The following PCDHGB1 variants were observed in gnomAD, a reference collection of about 807,000 sequenced individuals.
The protein encoded by PCDHGB1 is protocadherin gamma subfamily B, 1.
In PCDHGB1, 34 loss-of-function variants were observed where a neutral mutation model predicts 56.6. That is an observed-to-expected ratio of 0.60 (90% confidence interval 0.46 to 0.80). The LOEUF (loss-of-function observed/expected upper bound fraction) is 0.80, where lower values mean the gene tolerates loss of function less well. Ranked by LOEUF, PCDHGB1 falls within the 30% of genes least tolerant of loss-of-function variation. PCDHGB1 has a pLI of 0.00. For missense variants in PCDHGB1, 1,278 were observed against 1,204.6 expected (o/e 1.06, Z -0.90); for synonymous variants, 561 against 505.9 (o/e 1.11, Z -1.46).
At chr5:141,374,020 G>T in intron 1 of PCDHGB1, 1 of 1,408,826 alleles carries the variant, frequency 7.1e-7, no homozygotes, top group Non-Finnish European at 9.3e-7. Context: ...TCTGAGAAGA[G>T]CAAAAGTGAT....
At chr5:141,434,338 G>A (rs1037038534) in intron 1 of PCDHGB1, among the ~76,000 whole-genome samples, 5 of 152,086 alleles carry the variant, frequency 3.3e-5, no homozygotes, top group East Asian at 1.9e-4. Context: ...TCTTTGTGTC[G>A]GGAACAGGCC....
rs1006751011 is a variant in PCDHGB1, at chr5:141,431,033, C to T, written c.2410-63774C>T. ...CTTGGTCACGGCGGGCAGGATAGAC[C>T]GGGAGGAGCTCTGTATGGGGGCCAT... On this transcript the variant is annotated intron_variant, in intron 1 of 3. Coordinates refer to ENST00000523390, the MANE Select transcript of PCDHGB1 (RefSeq NM_018922.3). This position sits in a 1 kb window ranked among gnomAD's most constrained non-coding sequence, Gnocchi z 4.8. 1.2e-6 allele frequency: 2 copies of T among 1,613,864 alleles called. No homozygotes were observed. The highest frequency in any genetic ancestry group is 1.3e-5 in the African/African-American group (1 of 74,924).
chr5:141,503,260 C>A (rs2154593294), intron 2 of PCDHGB1, among the ~76,000 whole-genome samples: 1 of 152,178 alleles, frequency 6.6e-6, no homozygotes, highest in African/African-American at 2.4e-5. Flanking sequence ...ACAGCCACAA[C>A]CCCAGCACCT....
intron 1 of PCDHGB1, among the ~76,000 whole-genome samples, chr5:141,482,179 G>A (rs1398839482): frequency 6.6e-6 from 1 of 152,040 alleles, no homozygotes; most frequent in Non-Finnish European, 1.5e-5. Flanking sequence ...AAGGCTTTAC[G>A]ATGCTCCAGT....
intron 2 of PCDHGB1, among the ~76,000 whole-genome samples, chr5:141,504,947 A>G (rs1595930930): frequency 6.6e-6 from 1 of 152,200 alleles, no homozygotes; most frequent in Non-Finnish European, 1.5e-5. Context: ...GGAATGCACT[A>G]TGTTCAATGC....
Position 141,490,942 on chromosome 5 carries a change from C to T in PCDHGB1, c.2410-3865C>T, listed in dbSNP as rs371286343. On this transcript the variant is annotated intron_variant, in intron 1 of 3. Coordinates refer to ENST00000523390, the MANE Select transcript of PCDHGB1 (RefSeq NM_018922.3). This position sits in a 1 kb window ranked among gnomAD's most constrained non-coding sequence, Gnocchi z 5.4. ...TAATGCCCCAGCTGTGCTGCACCCA[C>T]GGCCAGACTGGGAACACTCAGCCCC... 8.7e-5 allele frequency: 141 copies of T among 1,613,526 alleles called. No individual in the cohort carries two copies. Among genetic ancestry groups the T allele is most frequent in the Non-Finnish European group, 1.1e-4 (126 of 1,179,768 alleles).
At chr5:141,426,625 A>G (rs770683989) in intron 1 of PCDHGB1, 29 of 394,754 alleles carry the variant, frequency 7.3e-5, no homozygotes, top group South Asian at 7.2e-5. Context: ...AATCCTCTAA[A>G]TGTTTTTCAC....
At chr5:141,372,515 G>A (rs1768826871) in intron 1 of PCDHGB1, 2 of 1,614,050 alleles carry the variant, frequency 1.2e-6, no homozygotes, top group Admixed American at 1.7e-5. Context: ...TCCTCGCGGT[G>A]ATTCTGGCAA....
chr5:141,486,091 G>T lies in PCDHGB1; in HGVS notation c.2410-8716G>T. ...CTACTGGAAAGCTTACTCTTTTGGG[G>T]CCCCTAGACTTTGAGAGTGAGAATT... On this transcript the variant is annotated intron_variant, in intron 1 of 3. Coordinates refer to ENST00000523390, the MANE Select transcript of PCDHGB1 (RefSeq NM_018922.3). This position sits in a 1 kb window ranked among gnomAD's most constrained non-coding sequence, Gnocchi z 5.0. 1 of 1,614,158 alleles carries T rather than the reference G, an allele frequency of 6.2e-7. No homozygotes were observed. Among genetic ancestry groups the T allele is most frequent in the South Asian group, 1.1e-5 (1 of 91,078 alleles).
chr5:141,359,233 G>A (rs1200901536), intron 1 of PCDHGB1, among the ~76,000 whole-genome samples: 2 of 152,030 alleles, frequency 1.3e-5, no homozygotes, highest in East Asian at 3.8e-4. Flanking sequence ...AGGAGAGATT[G>A]TTTAAAGTAA....
intron 1 of PCDHGB1, chr5:141,361,189 G>C: frequency 6.2e-7 from 1 of 1,613,964 alleles, no homozygotes; most frequent in Non-Finnish European, 8.5e-7. Flanking sequence ...TGTGACTTCA[G>C]TATCTACTCC....
chr5:141,399,370 A>C (rs1466560972), intron 1 of PCDHGB1: 2 of 1,614,004 alleles, frequency 1.2e-6, no homozygotes, highest in Non-Finnish European at 1.7e-6. Context: ...CCCGGAGTAC[A>C]ATGTCACCAT....
intron 1 of PCDHGB1, among the ~76,000 whole-genome samples, chr5:141,455,204 T>G (rs1173402170): frequency 6.6e-6 from 1 of 152,052 alleles, no homozygotes; most frequent in Admixed American, 6.6e-5. Context: ...TTACAACCAA[T>G]AAGAGTTTTT....
In PCDHGB1 at chr5:141,490,858, G is replaced by C. The variant is rs775132338; in HGVS notation, c.2410-3949G>C. On this transcript the variant is annotated intron_variant, in intron 1 of 3. Coordinates refer to ENST00000523390, the MANE Select transcript of PCDHGB1 (RefSeq NM_018922.3). The surrounding 1 kb of genome is among the most constrained non-coding windows in gnomAD (Gnocchi z 5.4). ...GATTGTGGTGGGGGTTCGAGACTCC[G>C]GCTCTCCCCCATTGCATGCCAACAC... The C allele has an allele frequency of 1.5e-5, 24 of 1,613,704 alleles. 1 individual carries two copies. Among genetic ancestry groups the C allele is most frequent in the Non-Finnish European group, 2.0e-5 (24 of 1,179,918 alleles).
intron 1 of PCDHGB1, chr5:141,389,528 G>A (rs200792478): frequency 1.2e-6 from 2 of 1,613,210 alleles, no homozygotes; most frequent in East Asian, 2.2e-5. Context: ...GCCTGCGCGT[G>A]TTAGTGGACG....
intron 1 of PCDHGB1, among the ~76,000 whole-genome samples, chr5:141,482,828 T>G (rs1274498876): frequency 4.4e-5 from 6 of 135,272 alleles, no homozygotes; most frequent in Non-Finnish European, 9.5e-5. Flanking sequence ...TCCTAGCACT[T>G]TGGGAGGCCA....
At position 141,490,870 on chromosome 5, in the gene PCDHGB1, T is replaced by C; in HGVS notation, c.2410-3937T>C. Reference sequence around the variant, plus strand: ...GGTTCGAGACTCCGGCTCTCCCCCATTGCATGCCAACACATCTCTGCATGT... The same window carrying C: ...GGTTCGAGACTCCGGCTCTCCCCCACTGCATGCCAACACATCTCTGCATGT... On this transcript the variant is annotated intron_variant, in intron 1 of 3. Coordinates refer to ENST00000523390, the MANE Select transcript of PCDHGB1 (RefSeq NM_018922.3). The surrounding 1 kb of genome is among the most constrained non-coding windows in gnomAD (Gnocchi z 5.4). 6.2e-7 allele frequency: 1 copy of C among 1,613,888 alleles called. No homozygotes were observed. Among genetic ancestry groups the C allele is most frequent in the Non-Finnish European group, 8.5e-7 (1 of 1,179,932 alleles).
chr5:141,374,116 C>G (rs1328761924), intron 1 of PCDHGB1: 9 of 1,580,694 alleles, frequency 5.7e-6, no homozygotes, highest in Non-Finnish European at 8.6e-7. Context: ...CGCAGCGCAG[C>G]GAGCAGGTCC....
At chr5:141,367,886 C>T (rs976689634) in intron 1 of PCDHGB1, 1 of 151,934 alleles carries the variant, frequency 6.6e-6, no homozygotes, top group Non-Finnish European at 1.5e-5. Context: ...TTCTTTATTA[C>T]TTGAGTTTAA....
Sources: allele counts gnomAD v4.1 joint callset (sites outside exome capture counted in the v4.1 genomes callset), GRCh38; gene constraint gnomAD v4.1.1; non-coding constraint Gnocchi (gnomAD v3.1); transcripts MANE v1.5; gene names NCBI Gene and HGNC (gene_info 2026-07-23, HGNC 2026-07-21).